HCN1: variants seen among roughly 807,000 people sequenced by gnomAD.
The protein encoded by HCN1 is hyperpolarization activated cyclic nucleotide gated potassium channel 1.
A neutral mutation model predicts 78.9 loss-of-function variants in HCN1; 13 were observed. The ratio of observed to expected loss-of-function variants is 0.16; its 90% CI spans 0.11 to 0.26. The LOEUF is 0.26. HCN1 is among the 10% of genes least tolerant of loss of function. HCN1 has a pLI of 1.00. For synonymous variants in HCN1, 552 were observed against 455.5 expected (o/e 1.21, Z -2.70); for missense variants, 810 against 1,154.3 (o/e 0.70, Z 4.32).
At chr5:45,401,696 T>G (rs1739807913) in intron 3 of HCN1, among the ~76,000 whole-genome samples, 2 of 151,900 alleles carry the variant, frequency 1.3e-5, no homozygotes, top group East Asian at 3.9e-4. Flanking sequence ...TCACATTTTC[T>G]TTATTCTAAA....
intron 1 of HCN1, among the ~76,000 whole-genome samples, chr5:45,663,781 T>C (rs1235370761): frequency 6.6e-6 from 1 of 151,408 alleles, no homozygotes; most frequent in Non-Finnish European, 1.5e-5. Flanking sequence ...CCAGTTAGAA[T>C]GGCAATCATT....
chr5:45,604,656 T>C (rs974252074), intron 2 of HCN1, among the ~76,000 whole-genome samples: 8 of 151,968 alleles, frequency 5.3e-5, no homozygotes, highest in African/African-American at 1.9e-4. Context: ...CTTGAGCTAA[T>C]GAATGCTTTA....
chr5:45,258,356 C>T lies in HCN1; in HGVS notation c.*3565G>A, dbSNP rs772772684. On this transcript the variant is annotated 3_prime_UTR_variant, in exon 8 of 8. Transcript: ENST00000303230. ...AACTTGACTATGTACTTTGTAGTGTCCTGAAAATAGTATGCTCAGTTAAGT... is the reference window on the plus strand; with the variant it reads ...AACTTGACTATGTACTTTGTAGTGTTCTGAAAATAGTATGCTCAGTTAAGT... 1 of 152,046 alleles carries T rather than the reference C, an allele frequency of 6.6e-6. No individual in the cohort carries two copies. The highest frequency in any genetic ancestry group is 1.5e-5 in the Non-Finnish European group (1 of 67,980). The allele number at this position is 152,046 out of a possible 1,614,324, so 9.4% of individuals were successfully genotyped here. A position where few individuals can be genotyped will look rare whatever the true frequency, so the allele number is the denominator to read the frequency against.
intron 2 of HCN1, among the ~76,000 whole-genome samples, chr5:45,573,156 A>G (rs1743868245): frequency 6.6e-6 from 1 of 152,164 alleles, no homozygotes; most frequent in African/African-American, 2.4e-5. Context: ...TCTCTATTCA[A>G]ATTTCTTCAA....
intron 3 of HCN1, among the ~76,000 whole-genome samples, chr5:45,403,470 C>G (rs772430392): frequency 1.3e-5 from 2 of 152,096 alleles, no homozygotes. Context: ...GAAGCAAACA[C>G]GCCTTTCTTC....
intron 2 of HCN1, among the ~76,000 whole-genome samples, chr5:45,492,519 G>GT (rs928476311): frequency 0.37 from 37,513 of 102,252 alleles, 8,701 homozygotes; most frequent in African/African-American, 0.51. Flanking sequence ...CAGTTTTTTT[G>GT]TTTTTTTTTT....
chr5:45,556,683 G>A (rs1482064958), intron 2 of HCN1, among the ~76,000 whole-genome samples: 1 of 151,822 alleles, frequency 6.6e-6, no homozygotes, highest in African/African-American at 2.4e-5. Context: ...TGCCTTAATT[G>A]CCTCTTACTG....
chr5:45,422,320 T>C (rs1184535056), intron 3 of HCN1, among the ~76,000 whole-genome samples: 5 of 152,224 alleles, frequency 3.3e-5, no homozygotes, highest in African/African-American at 1.2e-4. Flanking sequence ...TTGTGCCACA[T>C]AAAACTTTGT....
chr5:45,610,459 A>G (rs1290172048), intron 2 of HCN1, among the ~76,000 whole-genome samples: 2 of 151,240 alleles, frequency 1.3e-5, no homozygotes, highest in African/African-American at 4.8e-5. Context: ...TTTCAAGAAT[A>G]TACATTTATA....
chr5:45,300,460 GATCT>G (rs1561094777), intron 6 of HCN1, among the ~76,000 whole-genome samples: 1 of 151,806 alleles, frequency 6.6e-6, no homozygotes, highest in African/African-American at 2.4e-5. Context: ...TTATTATGAT[GATCT>G]ATTTATTATG....
At chr5:45,370,635 G>A (rs1747334079) in intron 4 of HCN1, among the ~76,000 whole-genome samples, 1 of 151,842 alleles carries the variant, frequency 6.6e-6, no homozygotes. Context: ...ATTCTCCCAA[G>A]AGATAAATAT....
At chr5:45,512,701 C>T (rs1388901863) in intron 2 of HCN1, among the ~76,000 whole-genome samples, 1 of 151,964 alleles carries the variant, frequency 6.6e-6, no homozygotes, top group African/African-American at 2.4e-5. Flanking sequence ...GCCACGGTTA[C>T]ATTGTTGAAA....
At chr5:45,419,934 C>T (rs1410012765) in intron 3 of HCN1, among the ~76,000 whole-genome samples, 1 of 152,138 alleles carries the variant, frequency 6.6e-6, no homozygotes, top group African/African-American at 2.4e-5. Flanking sequence ...TTAAGAGTGA[C>T]ATCTGTTCTC....
chr5:45,570,695 A>T (rs571087112), intron 2 of HCN1, among the ~76,000 whole-genome samples: 1 of 152,296 alleles, frequency 6.6e-6, no homozygotes, highest in East Asian at 1.9e-4. Flanking sequence ...AAAGTAAACA[A>T]AACACACCTA....
chr5:45,507,326 A>G (rs759895701), intron 2 of HCN1, among the ~76,000 whole-genome samples: 1 of 152,138 alleles, frequency 6.6e-6, no homozygotes, highest in Non-Finnish European at 1.5e-5. Context: ...CATCACTGCT[A>G]TACACAGTTT....
intron 4 of HCN1, among the ~76,000 whole-genome samples, chr5:45,363,698 C>T (rs1036344859): frequency 6.6e-6 from 1 of 151,876 alleles, no homozygotes; most frequent in African/African-American, 2.4e-5. Context: ...CCAGTTTTTC[C>T]TGTGCTATTC....
At chr5:45,614,972 A>G (rs1580000425) in intron 2 of HCN1, among the ~76,000 whole-genome samples, 2 of 141,048 alleles carry the variant, frequency 1.4e-5, no homozygotes, top group African/African-American at 2.7e-5. Flanking sequence ...AACCACAGAG[A>G]AAAAAAAAAA....
At chr5:45,597,851 T>C (rs1189741760) in intron 2 of HCN1, among the ~76,000 whole-genome samples, 1 of 152,082 alleles carries the variant, frequency 6.6e-6, no homozygotes, top group East Asian at 1.9e-4. Context: ...GGAATCTAAC[T>C]TACAAGGGCT....
At chr5:45,363,400 G>A (rs1047494448) in intron 4 of HCN1, among the ~76,000 whole-genome samples, 2 of 151,532 alleles carry the variant, frequency 1.3e-5, no homozygotes, top group East Asian at 3.9e-4. Context: ...ATAAGGCAAC[G>A]TTCAACCAAT....
Sources: allele counts gnomAD v4.1 joint callset (sites outside exome capture counted in the v4.1 genomes callset), GRCh38; gene constraint gnomAD v4.1.1; transcripts MANE v1.5; gene names NCBI Gene and HGNC (gene_info 2026-07-23, HGNC 2026-07-21).